EPB41L4A: variants seen among roughly 807,000 people sequenced by gnomAD.
The protein encoded by EPB41L4A is band 4.1-like protein 4A.
A neutral mutation model predicts 108.6 loss-of-function variants in EPB41L4A; 100 were observed. The ratio of observed to expected loss-of-function variants is 0.92; its 90% CI spans 0.78 to 1.09. The LOEUF is 1.09. Ranked by LOEUF, EPB41L4A falls within the 50% of genes least tolerant of loss-of-function variation. The pLI, the probability that EPB41L4A is intolerant of heterozygous loss-of-function variation, is 0.00. For missense variants in EPB41L4A, 1,030 were observed against 842.7 expected, an observed-to-expected ratio of 1.22 and a Z score of -2.75; for synonymous variants, 319 against 289.0, an observed-to-expected ratio of 1.10 and a Z score of -1.05.
chr5:112,396,049 T>C (rs1367608092), intron 1 of EPB41L4A, among the ~76,000 whole-genome samples: 1 of 151,644 alleles, frequency 6.6e-6, no homozygotes, highest in Non-Finnish European at 1.5e-5. Flanking sequence ...AACTGAACAA[T>C]GAGAACACTT....
At chr5:112,278,931 G>T (rs1176472651) in intron 3 of EPB41L4A, among the ~76,000 whole-genome samples, 1 of 151,498 alleles carries the variant, frequency 6.6e-6, no homozygotes, top group African/African-American at 2.4e-5. Flanking sequence ...TGGGCATGGT[G>T]GTGGGCGCTT....
rs1218786125 is a variant in EPB41L4A at position 112,262,580 on chromosome 5, C to A, written c.556G>T (p.Gly186Cys). 6.2e-7 allele frequency: 1 copy of A among 1,613,314 alleles called. No homozygotes were observed. Among genetic ancestry groups the A allele is most frequent in the Non-Finnish European group, 8.5e-7 (1 of 1,179,676 alleles). ...AGCTCAGCCTCAGAAGGAATCTGACCCCTACACCCAGCACAAAAACAAAGA... is the reference window on the plus strand; with the variant it reads ...AGCTCAGCCTCAGAAGGAATCTGACACCTACACCCAGCACAAAAACAAAGA... ...AIERIHKTLM[G>C]QIPSEAELNY... The change falls in exon 7 of 23, where the codon GGT becomes TGT. Residue 186 changes from glycine (G) to cysteine (C), a missense_variant and splice_region_variant. Transcript: ENST00000261486.
At chr5:112,282,629 A>C (rs1448102199) in intron 2 of EPB41L4A, among the ~76,000 whole-genome samples, 1 of 152,170 alleles carries the variant, frequency 6.6e-6, no homozygotes, top group Non-Finnish European at 1.5e-5. Context: ...GAGAGGGCTT[A>C]TGGATGCGTT....
intron 4 of EPB41L4A, among the ~76,000 whole-genome samples, chr5:112,270,255 G>A (rs1359152215): frequency 1.3e-5 from 2 of 152,156 alleles, no homozygotes; most frequent in South Asian, 2.1e-4. Context: ...AAAACTGAAG[G>A]ATGTAGGGAC....
At chr5:112,267,395 G>A (rs557277735) in intron 4 of EPB41L4A, among the ~76,000 whole-genome samples, 12 of 152,332 alleles carry the variant, frequency 7.9e-5, no homozygotes, top group African/African-American at 2.9e-4. Flanking sequence ...AATGTTACAT[G>A]TGTTAGATAT....
In EPB41L4A at chr5:112,169,076, T is replaced by C; in HGVS notation, c.1769A>G (p.His590Arg). 4.3e-6 allele frequency: 7 copies of C among 1,614,110 alleles called. No homozygotes were observed. The highest frequency in any genetic ancestry group is 5.1e-6 in the Non-Finnish European group (6 of 1,179,978). ...ETQGDPIRIR[H>R]SHSPRSYRQY... ...GCGGTAACTTCGTGGCGAATGAGAATGCCTGATGCGGATTGGGTCACCTTG... is the reference window on the plus strand; with the variant it reads ...GCGGTAACTTCGTGGCGAATGAGAACGCCTGATGCGGATTGGGTCACCTTG... The change falls in exon 21 of 23, where the codon CAT becomes CGT. Residue 590 changes from histidine to arginine, a missense_variant. Physicochemically the swap from His to Arg is conservative, Grantham distance 29. Coordinates refer to ENST00000261486, the MANE Select transcript of EPB41L4A (RefSeq NM_022140.5).
At chr5:112,339,199 A>C (rs1001236375) in intron 1 of EPB41L4A, among the ~76,000 whole-genome samples, 2 of 152,108 alleles carry the variant, frequency 1.3e-5, no homozygotes, top group Non-Finnish European at 2.9e-5. Context: ...GATTCTAATC[A>C]TCAAACCATA....
At chr5:112,370,541 C>T (rs546065030) in intron 1 of EPB41L4A, among the ~76,000 whole-genome samples, 1 of 152,254 alleles carries the variant, frequency 6.6e-6, no homozygotes, top group South Asian at 2.1e-4. Flanking sequence ...ATCCAGTCAT[C>T]AACTTCATCT....
chr5:112,399,390 C>T lies in EPB41L4A; in HGVS notation c.99+19551G>A, dbSNP rs575201509. On this transcript the variant is annotated intron_variant, in intron 1 of 22. Coordinates refer to ENST00000261486, the MANE Select transcript of EPB41L4A (RefSeq NM_022140.5). ...CTCCCAGACCTGTGTAATCACCATC[C>T]AGGTTCCCCACTAAGTTGTAAGCTC... Among the ~76,000 whole-genome samples the T allele has an allele frequency of 3.9e-5, 6 of 152,300 alleles. No individual in the cohort carries two copies. In the South Asian group the frequency reaches 1.2e-3, roughly 32 times the overall value.
intron 1 of EPB41L4A, among the ~76,000 whole-genome samples, chr5:112,337,388 C>T (rs1756989148): frequency 6.6e-6 from 1 of 152,140 alleles, no homozygotes; most frequent in Non-Finnish European, 1.5e-5. Flanking sequence ...TATCAACCAC[C>T]GTGTTAAGCA....
chr5:112,291,857 C>A (rs1181861752), intron 2 of EPB41L4A, among the ~76,000 whole-genome samples: 1 of 152,198 alleles, frequency 6.6e-6, no homozygotes, highest in Non-Finnish European at 1.5e-5. Context: ...ATATATTCTG[C>A]GTTTCTGAGT....
chr5:112,294,749 C>G (rs1414509312), intron 2 of EPB41L4A, among the ~76,000 whole-genome samples: 1 of 151,602 alleles, frequency 6.6e-6, no homozygotes, highest in Non-Finnish European at 1.5e-5. Flanking sequence ...TACGGCGTAC[C>G]TGAAGTACGC....
At position 112,256,000 on chromosome 5, in the gene EPB41L4A, T is replaced by A. The variant is rs1426353854; in HGVS notation, c.795+3229A>T. 2.0e-5 allele frequency among the ~76,000 whole-genome samples: 3 copies of A among 152,148 alleles called. No individual in the cohort carries two copies. The East Asian group carries it at 5.8e-4, about 29-fold the overall frequency. ...GTGACCAGGACTCCTCTCTCTCATATCTGCCCACATTCAGGAAACCCTGGT... is the reference window on the plus strand; with the variant it reads ...GTGACCAGGACTCCTCTCTCTCATAACTGCCCACATTCAGGAAACCCTGGT... On this transcript the variant is annotated intron_variant, in intron 9 of 22. Transcript: ENST00000261486.
intron 3 of EPB41L4A, among the ~76,000 whole-genome samples, chr5:112,276,297 A>G (rs548250938): frequency 2.6e-4 from 39 of 152,352 alleles, no homozygotes; most frequent in African/African-American, 8.9e-4. Context: ...TCAGAAACAA[A>G]GCCTGGAATT....
intron 1 of EPB41L4A, among the ~76,000 whole-genome samples, chr5:112,415,418 C>A (rs1561658389): frequency 1.3e-5 from 2 of 152,148 alleles, no homozygotes; most frequent in Middle Eastern, 3.4e-3. Context: ...AAAATGAGCA[C>A]CTAAACATTC....
chr5:112,266,479 CAGG>C, intron 4 of EPB41L4A, 149 bp from the exon 5 acceptor site: 1 of 606,782 alleles, frequency 1.6e-6, no homozygotes, highest in Non-Finnish European at 2.9e-6. Context: ...GTTGAGTGAA[CAGG>C]AACTACTTAA....
intron 13 of EPB41L4A, chr5:112,205,897 A>C (rs552122314): frequency 5.5e-6 from 1 of 182,092 alleles, no homozygotes; most frequent in African/African-American, 2.4e-5. Flanking sequence ...CAGTGATCAG[A>C]GAAGCCCTTA....
At chr5:112,369,521 T>A (rs1361016442) in intron 1 of EPB41L4A, among the ~76,000 whole-genome samples, 1 of 152,250 alleles carries the variant, frequency 6.6e-6, no homozygotes, top group Non-Finnish European at 1.5e-5. Context: ...ATGTATTCTA[T>A]TCTTGGTCTT....
intron 1 of EPB41L4A, among the ~76,000 whole-genome samples, chr5:112,324,792 G>C (rs893696691): frequency 8.0e-5 from 12 of 150,212 alleles, no homozygotes; most frequent in South Asian, 4.2e-4. Context: ...AGGGGACAGA[G>C]AATTGAAGAG....
Sources: gnomAD v4.1 joint callset for allele counts (sites outside exome capture counted in the v4.1 genomes callset) on GRCh38, gnomAD v4.1.1 for gene constraint, MANE v1.5 for transcripts, NCBI Gene and HGNC (gene_info 2026-07-23, HGNC 2026-07-21) for gene names.